GOLM2: variants seen among roughly 807,000 people sequenced by gnomAD.
GOLM2 encodes golgi membrane protein 2.
A neutral mutation model predicts 55.9 loss-of-function variants in GOLM2; 26 were observed. The ratio of observed to expected loss-of-function variants is 0.47; its 90% CI spans 0.34 to 0.65. GOLM2 has a LOEUF of 0.65. GOLM2 is among the 30% of genes least tolerant of loss of function. GOLM2 has a pLI of 0.01. For synonymous variants in GOLM2, 165 were observed against 194.6 expected, an observed-to-expected ratio of 0.85 and a Z score of 1.27; for missense variants, 486 against 531.8, an observed-to-expected ratio of 0.91 and a Z score of 0.85.
At chr15:44,358,055 G>A (rs1439419908) in intron 6 of GOLM2, among the ~76,000 whole-genome samples, 1 of 152,092 alleles carries the variant, frequency 6.6e-6, no homozygotes, top group East Asian at 1.9e-4. Flanking sequence ...TGATTCCAAA[G>A]TTTATATAGA....
intron 1 of GOLM2, among the ~76,000 whole-genome samples, chr15:44,311,652 T>TTG (rs371395923): frequency 7.3e-4 from 109 of 149,904 alleles, no homozygotes; most frequent in East Asian, 2.3e-3. Context: ...AGGATTGCTT[T>TTG]TGTGTGTGTG....
chr15:44,341,268 G>A (rs559692011), intron 6 of GOLM2, among the ~76,000 whole-genome samples: 146 of 152,018 alleles, frequency 9.6e-4, no homozygotes, highest in Admixed American at 2.8e-3. Context: ...TTCTAGCAGA[G>A]ACGGGGTTTC....
rs1204612117 is a variant in GOLM2 at position 44,323,015 on chromosome 15, A to G, written c.378A>G (p.Leu126=). ...ATCAGATGGCAGACATACATCATTT[A>G]AAGGGTAAGAACCTTAATTCCAGAT... ...ISYQMADIHH[L]KEQLAELRQE... is the part of the protein sequence containing the mutation. The change falls in exon 2 of 10, where the codon TTA becomes TTG. Residue 126 remains leucine (L), a synonymous_variant. Coordinates refer to ENST00000299957, the MANE Select transcript of GOLM2 (RefSeq NM_138423.4). The G allele has an allele frequency of 6.4e-7, 1 of 1,574,752 alleles. No homozygotes were observed. The highest frequency in any genetic ancestry group is 1.2e-5 in the South Asian group (1 of 82,632).
intron 6 of GOLM2, among the ~76,000 whole-genome samples, chr15:44,344,290 T>TAG (rs1168274046): frequency 8.0e-6 from 1 of 124,540 alleles, no homozygotes; most frequent in African/African-American, 3.9e-5. Flanking sequence ...TGTGTGTGTA[T>TAG]ATATATATAT....
chr15:44,316,893 G>A (rs2078913903), intron 1 of GOLM2, among the ~76,000 whole-genome samples: 2 of 152,078 alleles, frequency 1.3e-5, no homozygotes, highest in South Asian at 4.1e-4. Context: ...GGCTAAGGTG[G>A]GAGGATCACA....
chr15:44,375,464 G>T lies in GOLM2; in HGVS notation c.803-4226G>T, dbSNP rs1219841363. Among the ~76,000 whole-genome samples, 3 of 152,138 alleles carry T rather than the reference G, an allele frequency of 2.0e-5. No homozygotes were observed. The East Asian group carries it at 5.8e-4, about 29-fold the overall frequency. On this transcript the variant is annotated intron_variant, in intron 6 of 9. Transcript: ENST00000299957. ...TTTGAGAAGTATTCTTAATTTGTTTGACTTAGTACTTTCTTATCTGAAGAT... is the reference window on the plus strand; with the variant it reads ...TTTGAGAAGTATTCTTAATTTGTTTTACTTAGTACTTTCTTATCTGAAGAT...
chr15:44,289,654 G>C lies in GOLM2; in HGVS notation c.327+298G>C, dbSNP rs985986969. Among the ~76,000 whole-genome samples, 1 of 152,238 alleles carries C rather than the reference G, an allele frequency of 6.6e-6. No homozygotes were observed. Among genetic ancestry groups the C allele is most frequent in the Non-Finnish European group, 1.5e-5 (1 of 68,044 alleles). The stretch of plus-strand genomic sequence containing the variant: ...GTTGGCAGTAGTAATCATCTGGCCT[G>C]TGTGGCCCCCTTACCTTCAAAGACA... On this transcript the variant is annotated intron_variant, in intron 1 of 9. Coordinates refer to ENST00000299957, the MANE Select transcript of GOLM2 (RefSeq NM_138423.4). This position sits in a 1 kb window ranked among gnomAD's most constrained non-coding sequence, Gnocchi z 4.8.
intron 8 of GOLM2, among the ~76,000 whole-genome samples, chr15:44,388,136 C>G (rs925924203): frequency 6.6e-6 from 1 of 150,958 alleles, no homozygotes; most frequent in African/African-American, 2.4e-5. Flanking sequence ...ATTAGCTGGG[C>G]TTGTTGGTGC....
chr15:44,297,330 T>C (rs76868162), intron 1 of GOLM2, among the ~76,000 whole-genome samples: 4,494 of 152,238 alleles, frequency 0.03, 104 homozygotes, highest in East Asian at 0.1. Flanking sequence ...CTACATCAGG[T>C]TAGAATTCTG....
intron 6 of GOLM2, among the ~76,000 whole-genome samples, chr15:44,359,009 T>G (rs2079216715): frequency 6.6e-6 from 1 of 151,196 alleles, no homozygotes; most frequent in South Asian, 2.1e-4. Flanking sequence ...ACAAAAAAAT[T>G]AGCTGGGCGT....
At chr15:44,300,143 G>A (rs767092708) in intron 1 of GOLM2, among the ~76,000 whole-genome samples, 21 of 148,486 alleles carry the variant, frequency 1.4e-4, no homozygotes, top group Non-Finnish European at 2.5e-4. Context: ...GAGGAGAGGA[G>A]GGGAGGGGAG....
chr15:44,311,606 CT>C (rs1443537712), intron 1 of GOLM2, among the ~76,000 whole-genome samples: 2 of 151,898 alleles, frequency 1.3e-5, no homozygotes, highest in Non-Finnish European at 2.9e-5. Context: ...TATCAAAAGT[CT>C]TGATTATTAA....
In GOLM2 at chr15:44,391,623, T is replaced by A. The variant is rs372282665; in HGVS notation, c.1072+10647T>A. On this transcript the variant is annotated intron_variant, in intron 8 of 9. Coordinates refer to ENST00000299957, the MANE Select transcript of GOLM2 (RefSeq NM_138423.4). Reference sequence around the variant, plus strand: ...GAAAAAAAAAGAACATCAATATAGATCCTACAAATAATATTAAAGGACACA... The same window carrying A: ...GAAAAAAAAAGAACATCAATATAGAACCTACAAATAATATTAAAGGACACA... 2.0e-5 allele frequency among the ~76,000 whole-genome samples: 3 copies of A among 151,240 alleles called. No homozygotes were observed. The East Asian group carries it at 5.8e-4, about 29-fold the overall frequency.
intron 6 of GOLM2, among the ~76,000 whole-genome samples, chr15:44,353,683 A>G (rs1188695949): frequency 2.0e-5 from 3 of 152,212 alleles, no homozygotes. Flanking sequence ...ACACAGAAAG[A>G]CAAACTTCAC....
chr15:44,359,782 A>C (rs1273052217), intron 6 of GOLM2, among the ~76,000 whole-genome samples: 1 of 152,350 alleles, frequency 6.6e-6, no homozygotes, highest in East Asian at 1.9e-4. Context: ...GAAGGAAAAA[A>C]TATTAAGGGC....
At chr15:44,369,009 G>T (rs138309164) in intron 6 of GOLM2, among the ~76,000 whole-genome samples, 1 of 137,008 alleles carries the variant, frequency 7.3e-6, no homozygotes, top group Non-Finnish European at 1.5e-5. Context: ...AGGAGCCTGC[G>T]TTAGGGTTCC....
intron 4 of GOLM2, among the ~76,000 whole-genome samples, chr15:44,336,370 G>A (rs2079057089): frequency 6.6e-6 from 1 of 151,096 alleles, no homozygotes; most frequent in Non-Finnish European, 1.5e-5. Context: ...GCCCACCTCG[G>A]CCTCCCGAAG....
chr15:44,368,303 A>AT (rs1245673474), intron 6 of GOLM2, among the ~76,000 whole-genome samples: 3,296 of 115,558 alleles, frequency 0.029, 68 homozygotes, highest in East Asian at 0.082. Context: ...ACGCCCAGCT[A>AT]TTTTTTTTTT....
At chr15:44,334,300 A>G (rs1453348704) in intron 4 of GOLM2, among the ~76,000 whole-genome samples, 1 of 152,184 alleles carries the variant, frequency 6.6e-6, no homozygotes, top group Non-Finnish European at 1.5e-5. Flanking sequence ...TTTAACTACT[A>G]TGGCAAGTTG....
Sources: gnomAD v4.1 joint callset for allele counts (sites outside exome capture counted in the v4.1 genomes callset) on GRCh38, gnomAD v4.1.1 for gene constraint, Gnocchi (gnomAD v3.1) non-coding constraint, MANE v1.5 for transcripts, NCBI Gene and HGNC (gene_info 2026-07-23, HGNC 2026-07-21) for gene names.